Variants in SNX24 observed in about 807,000 individuals in gnomAD.
SNX24 encodes sorting nexin 24.
In SNX24, 22 loss-of-function variants were observed where a neutral mutation model predicts 28.7. The observed-to-expected ratio is 0.77, with a 90% CI of 0.55 to 1.10. The LOEUF is 1.10. Among genes scored for constraint, SNX24 ranks in the 50% least tolerant of loss-of-function variants. SNX24 has a pLI of 0.00. For synonymous variants in SNX24, 69 were observed against 71.5 expected, an observed-to-expected ratio of 0.96 and a Z score of 0.18; for missense variants, 221 against 201.1, an observed-to-expected ratio of 1.10 and a Z score of -0.60.
chr5:122,918,642 A>G lies in SNX24; in HGVS notation c.61-18092A>G, dbSNP rs75299287. 2.0e-3 allele frequency among the ~76,000 whole-genome samples: 303 copies of G among 152,322 alleles called. 1 individual carries two copies. The highest frequency in any genetic ancestry group is 6.9e-3 in the African/African-American group (288 of 41,570). ...GCCTAGCATAGATTAGGAATTTAAT[A>G]AATAATGTATAGACTTTTAGAGCTC... On this transcript the variant is annotated intron_variant, in intron 1 of 6. Transcript: ENST00000261369.
intron 1 of SNX24, among the ~76,000 whole-genome samples, chr5:122,880,798 C>G (rs567096269): frequency 1.3e-5 from 2 of 152,244 alleles, no homozygotes; most frequent in African/African-American, 4.8e-5. Context: ...CCTTTCAAGC[C>G]CCAGGTGATT....
chr5:122,861,555 T>G (rs186960278), intron 1 of SNX24, among the ~76,000 whole-genome samples: 102 of 149,836 alleles, frequency 6.8e-4, no homozygotes, highest in African/African-American at 2.2e-3. Context: ...TCTCAGAGGA[T>G]TTTTTTTTTA....
intron 1 of SNX24, among the ~76,000 whole-genome samples, chr5:122,851,498 A>G (rs527635624): frequency 6.6e-6 from 1 of 152,358 alleles, no homozygotes; most frequent in Admixed American, 6.5e-5. Context: ...TGTAAAAATC[A>G]CAGCGTTGAA....
intron 1 of SNX24, among the ~76,000 whole-genome samples, chr5:122,881,158 A>G (rs1453357354): frequency 6.6e-6 from 1 of 152,136 alleles, no homozygotes; most frequent in Non-Finnish European, 1.5e-5. Context: ...GTGCAGAAAA[A>G]TTGGAGAATC....
At chr5:122,935,410 A>C (rs778870819) in intron 1 of SNX24, among the ~76,000 whole-genome samples, 6 of 152,180 alleles carry the variant, frequency 3.9e-5, no homozygotes, top group Non-Finnish European at 8.8e-5. Flanking sequence ...TGAGAGTTTG[A>C]AGCATATGCA....
chr5:122,906,871 C>A (rs1382825084), intron 1 of SNX24, among the ~76,000 whole-genome samples: 1 of 151,980 alleles, frequency 6.6e-6, no homozygotes, highest in Non-Finnish European at 1.5e-5. Flanking sequence ...AACTTGTTGG[C>A]CACAGAGTAA....
chr5:122,883,797 G>A (rs1027110033), intron 1 of SNX24, among the ~76,000 whole-genome samples: 2 of 152,150 alleles, frequency 1.3e-5, no homozygotes, highest in East Asian at 1.9e-4. Context: ...CTGCAGGCAC[G>A]CATGCGCCAC....
intron 5 of SNX24, among the ~76,000 whole-genome samples, chr5:123,015,798 G>T (rs10080107): frequency 0.62 from 94,342 of 151,960 alleles, 30,358 homozygotes; most frequent in Non-Finnish European, 0.69. Context: ...TAGAAGGAGC[G>T]GGCACAAAAT....
intron 1 of SNX24, among the ~76,000 whole-genome samples, chr5:122,895,914 CA>C (rs1489736619): frequency 6.6e-6 from 1 of 152,196 alleles, no homozygotes; most frequent in Non-Finnish European, 1.5e-5. Flanking sequence ...TTTGGACAGC[CA>C]AGGTGGGCAA....
At chr5:122,916,596 A>AT (rs1349614926) in intron 1 of SNX24, among the ~76,000 whole-genome samples, 1 of 152,072 alleles carries the variant, frequency 6.6e-6, no homozygotes, top group Non-Finnish European at 1.5e-5. Flanking sequence ...TGGGACCTTT[A>AT]TTTTTAACAT....
intron 1 of SNX24, among the ~76,000 whole-genome samples, chr5:122,878,862 A>G (rs934271053): frequency 2.0e-5 from 3 of 151,678 alleles, no homozygotes; most frequent in African/African-American, 7.3e-5. Context: ...TGTAATCCCC[A>G]CTACTCAAGA....
chr5:122,985,639 G>A (rs1434496900), intron 3 of SNX24, among the ~76,000 whole-genome samples: 2 of 152,198 alleles, frequency 1.3e-5, no homozygotes, highest in African/African-American at 2.4e-5. Context: ...TTTCCTATCA[G>A]TCTCTAAGTT....
intron 4 of SNX24, among the ~76,000 whole-genome samples, chr5:123,001,128 G>A (rs1762229483): frequency 6.6e-6 from 1 of 152,204 alleles, no homozygotes; most frequent in Admixed American, 6.5e-5. Context: ...AGCAATGGCA[G>A]TGAGCGAAAT....
At chr5:123,007,653 T>G (rs1289225966) in intron 6 of SNX24, 29 bp from the exon 7 acceptor site, 5 of 1,553,750 alleles carry the variant, frequency 3.2e-6, no homozygotes, top group Admixed American at 4.1e-5. Flanking sequence ...TTTTTCTTTT[T>G]TTTTTCTTTT....
intron 1 of SNX24, among the ~76,000 whole-genome samples, chr5:122,896,882 G>A (rs79338761): frequency 0.039 from 5,896 of 152,254 alleles, 181 homozygotes; most frequent in East Asian, 0.099. Flanking sequence ...TCTTAGTAAG[G>A]TCTGAGGTTT....
At chr5:122,984,485 A>G (rs1433839886) in intron 3 of SNX24, among the ~76,000 whole-genome samples, 1 of 152,206 alleles carries the variant, frequency 6.6e-6, no homozygotes, top group East Asian at 1.9e-4. Context: ...TCAAACTTGA[A>G]GTGGGCATCT....
intron 1 of SNX24, among the ~76,000 whole-genome samples, chr5:122,854,196 A>G (rs1261492973): frequency 6.6e-6 from 1 of 152,158 alleles, no homozygotes; most frequent in African/African-American, 2.4e-5. Context: ...TTATGGGATC[A>G]AAAGATGCAT....
At chr5:123,028,477 A>G (rs1762895529) in intron 5 of SNX24, 1 of 271,634 alleles carries the variant, frequency 3.7e-6, no homozygotes, top group East Asian at 6.8e-5. Context: ...TATGAAAGAT[A>G]TTTTTCTGTA....
Position 122,889,821 on chromosome 5 carries a change from G to A in SNX24, c.60+44128G>A, listed in dbSNP as rs562415654. Among the ~76,000 whole-genome samples, 6 of 149,820 alleles carry A rather than the reference G, an allele frequency of 4.0e-5. 1 individual carries two copies. The South Asian group carries it at 6.3e-4, about 16-fold the overall frequency. On this transcript the variant is annotated intron_variant, in intron 1 of 6. Coordinates refer to ENST00000261369, the MANE Select transcript of SNX24 (RefSeq NM_014035.4). ...ACAAAAAATCTCTTAACATAATCAC[G>A]GTAAAATTGTCAAATCAGGAAGTTT...
Sources: allele counts gnomAD v4.1 joint callset (sites outside exome capture counted in the v4.1 genomes callset), GRCh38; gene constraint gnomAD v4.1.1; transcripts MANE v1.5; gene names NCBI Gene and HGNC (gene_info 2026-07-23, HGNC 2026-07-21).